The following PCNX2 variants were observed in gnomAD, a reference collection of about 807,000 sequenced individuals.
PCNX2 encodes pecanex-like protein 2.
Under a neutral mutation model 223.8 loss-of-function variants are expected in PCNX2, and 168 were observed. That is an observed-to-expected ratio of 0.75 (90% confidence interval 0.66 to 0.85). The LOEUF (loss-of-function observed/expected upper bound fraction) is 0.85. Ranked by LOEUF, PCNX2 falls within the 40% of genes least tolerant of loss-of-function variation. The probability of loss-of-function intolerance (pLI) is 0.00; values close to 1 mark genes in which losing one functional copy is unlikely to be tolerated. For missense variants in PCNX2, 2,507 were observed against 2,675.5 expected (o/e 0.94, Z 1.39); for synonymous variants, 1,006 against 1,052.6 (o/e 0.96, Z 0.86).
intron 15 of PCNX2, chr1:233,180,733 G>A (rs1229060430): frequency 1.3e-5 from 2 of 151,980 alleles, no homozygotes; most frequent in East Asian, 1.9e-4. Flanking sequence ...AAGTCTAAAC[G>A]CCCGAGAGCA....
Position 233,047,423 on chromosome 1 carries a change from G to A in PCNX2, c.4351+6845C>T, listed in dbSNP as rs898978637. 1.0e-5 allele frequency: 10 copies of A among 984,764 alleles called. No homozygotes were observed. The African/African-American group carries it at 1.6e-4, about 15-fold the overall frequency. The allele number at this position is 984,764 out of a possible 1,614,324, so 61.0% of individuals were successfully genotyped here. On this transcript the variant is annotated intron_variant, in intron 25 of 33. Coordinates refer to ENST00000258229, the MANE Select transcript of PCNX2 (RefSeq NM_014801.4). ...CAAAGATTGGTTAAGTTTGCAAAAA[G>A]AAGCTAAAAATGGCACAGAACTTGT... is the stretch of plus-strand genomic sequence containing the variant.
chr1:233,007,961 G>C (rs560128806), intron 28 of PCNX2, among the ~76,000 whole-genome samples: 3 of 152,132 alleles, frequency 2.0e-5, no homozygotes, highest in East Asian at 1.9e-4. Flanking sequence ...TTACAGGCGT[G>C]AGCCACCGTG....
chr1:233,213,811 G>A (rs533509591), intron 12 of PCNX2, among the ~76,000 whole-genome samples: 1 of 140,214 alleles, frequency 7.1e-6, no homozygotes, highest in African/African-American at 2.7e-5. Context: ...ATTGCCCAGT[G>A]CACTCTTTTT....
chr1:233,291,115 G>A (rs987243309), intron 1 of PCNX2: 2 of 984,298 alleles, frequency 2.0e-6, no homozygotes, highest in South Asian at 4.7e-5. Flanking sequence ...TGTCCTGGAA[G>A]GGCCAAAGAC....
intron 25 of PCNX2, among the ~76,000 whole-genome samples, chr1:233,044,583 C>A (rs369608118): frequency 3.5e-5 from 5 of 142,294 alleles, no homozygotes; most frequent in Non-Finnish European, 7.5e-5. Context: ...TGTTTTCTTA[C>A]GTTAACAAGA....
At chr1:233,093,597 T>C (rs1673998175) in intron 22 of PCNX2, among the ~76,000 whole-genome samples, 1 of 152,266 alleles carries the variant, frequency 6.6e-6, no homozygotes, top group Non-Finnish European at 1.5e-5. Flanking sequence ...CAGCATGATG[T>C]TGGACTCCAA....
intron 13 of PCNX2, among the ~76,000 whole-genome samples, chr1:233,206,357 T>G (rs1432117906): frequency 1.5e-5 from 2 of 135,420 alleles, no homozygotes; most frequent in Non-Finnish European, 3.2e-5. Flanking sequence ...CACTGCTGTT[T>G]GCAAAAAGAA....
intron 26 of PCNX2, chr1:233,019,085 AG>A (rs1670785406): frequency 1.0e-6 from 1 of 985,226 alleles, no homozygotes; most frequent in Non-Finnish European, 1.2e-6. Flanking sequence ...TCTGGTTTCA[AG>A]GGTTTTTTTT....
intron 23 of PCNX2, among the ~76,000 whole-genome samples, chr1:233,077,844 C>CCATT (rs1673166063): frequency 1.7e-5 from 2 of 120,764 alleles, no homozygotes; most frequent in South Asian, 4.5e-4. Flanking sequence ...AAGGGAGCAT[C>CCATT]TATTTAGTTT....
chr1:232,987,732 C>G (rs1217069949), intron 32 of PCNX2, among the ~76,000 whole-genome samples: 1 of 152,184 alleles, frequency 6.6e-6, no homozygotes, highest in African/African-American at 2.4e-5. Context: ...ATACACATTA[C>G]GAAGGGGATT....
intron 23 of PCNX2, among the ~76,000 whole-genome samples, chr1:233,059,392 A>G (rs1672320885): frequency 6.6e-6 from 1 of 152,170 alleles, no homozygotes; most frequent in South Asian, 2.1e-4. Context: ...TTGCCTCAAA[A>G]CTACCCTCTG....
rs112519358 is a variant in PCNX2, at chr1:233,003,990, C to T, written c.4953-2309G>A. 9.4e-3 allele frequency among the ~76,000 whole-genome samples: 1,422 copies of T among 151,956 alleles called. 17 individuals are homozygous for T. Among genetic ancestry groups the T allele is most frequent in the African/African-American group, 0.032 (1,314 of 41,418 alleles). ...ACACAGGGAGGGGAACATCACACAC[C>T]GGGGCCTGTTGGAGGGTGAGGGGGC... On this transcript the variant is annotated intron_variant, in intron 28 of 33. Transcript: ENST00000258229.
chr1:233,245,027 T>C (rs988842710), intron 8 of PCNX2, among the ~76,000 whole-genome samples: 1 of 152,236 alleles, frequency 6.6e-6, no homozygotes, highest in East Asian at 1.9e-4. Flanking sequence ...TCCTGCTGCA[T>C]AAAGAACAAA....
intron 23 of PCNX2, among the ~76,000 whole-genome samples, chr1:233,074,740 T>C (rs567821539): frequency 2.7e-5 from 4 of 149,832 alleles, no homozygotes; most frequent in African/African-American, 9.8e-5. Context: ...AGAAAAAAAG[T>C]CCAATTAGAA....
At position 233,267,343 on chromosome 1, in the gene PCNX2, A is replaced by C. The variant is rs942219854; in HGVS notation, c.154-4180T>G. 4.6e-5 allele frequency among the ~76,000 whole-genome samples: 7 copies of C among 152,118 alleles called. No homozygotes were observed. In the South Asian group the frequency reaches 1.0e-3, roughly 23 times the overall value. ...TCTCACAAAAAACAAACAAAAAAAA[A>C]CTTTTGTTTTACTGTGGTAAAATAT... On this transcript the variant is annotated intron_variant, in intron 1 of 33. Transcript: ENST00000258229.
chr1:232,992,041 C>A (rs528750061), intron 32 of PCNX2, among the ~76,000 whole-genome samples: 1 of 152,232 alleles, frequency 6.6e-6, no homozygotes, highest in Non-Finnish European at 1.5e-5. Context: ...CGGAGCTGCA[C>A]GAAAGACCAG....
intron 23 of PCNX2, chr1:233,057,512 C>T (rs1404190902): frequency 2.0e-6 from 1 of 505,406 alleles, no homozygotes; most frequent in East Asian, 3.3e-5. Context: ...ATGAGTAGCT[C>T]TCTGATTTGG....
rs1251129032 is a variant in PCNX2, at chr1:233,054,285, C to T, written c.4334G>A (p.Arg1445Gln). 2.5e-6 allele frequency: 4 copies of T among 1,613,390 alleles called. No individual in the cohort carries two copies. The highest frequency in any genetic ancestry group is 3.4e-6 in the Non-Finnish European group (4 of 1,179,676). The change falls in exon 25 of 34, where the codon CGA becomes CAA. Residue 1445 changes from arginine to glutamine, a missense_variant. By Grantham distance (43) the Arg-to-Gln change is conservative. Coordinates refer to ENST00000258229, the MANE Select transcript of PCNX2 (RefSeq NM_014801.4). Reference protein sequence around the residue: ...IGNGLVTFQLRGLEFRGTYCQ... With the variant: ...IGNGLVTFQLQGLEFRGTYCQ... Reference sequence around the variant, plus strand: ...ATTCTTACCTCGGAATTCCAGTCCTCGAAGTTGAAAGGTGACAAGACCATT... The same window carrying T: ...ATTCTTACCTCGGAATTCCAGTCCTTGAAGTTGAAAGGTGACAAGACCATT...
intron 1 of PCNX2, among the ~76,000 whole-genome samples, chr1:233,267,286 A>C (rs1253344660): frequency 6.6e-6 from 1 of 152,126 alleles, no homozygotes. Flanking sequence ...GCACCATTGC[A>C]CTCTAGCCTG....
Sources: gnomAD v4.1 joint callset for allele counts (sites outside exome capture counted in the v4.1 genomes callset) on GRCh38, gnomAD v4.1.1 for gene constraint, MANE v1.5 for transcripts, NCBI Gene and HGNC (gene_info 2026-07-23, HGNC 2026-07-21) for gene names.